SLC15A2: variants seen among roughly 807,000 people sequenced by gnomAD.
SLC15A2 encodes the protein solute carrier family 15 member 2.
A neutral mutation model predicts 95.5 loss-of-function variants in SLC15A2; 77 were observed. The ratio of observed to expected loss-of-function variants is 0.81; its 90% CI spans 0.67 to 0.97. The LOEUF is 0.97. Among genes scored for constraint, SLC15A2 ranks in the 50% least tolerant of loss-of-function variants. SLC15A2 has a pLI of 0.00. For missense variants in SLC15A2, 893 were observed against 874.4 expected (o/e 1.02, Z -0.27); for synonymous variants, 306 against 306.9 (o/e 1.00, Z 0.03).
At chr3:121,924,600 A>ATT (rs34567530) in intron 12 of SLC15A2, among the ~76,000 whole-genome samples, 10 of 151,764 alleles carry the variant, frequency 6.6e-5, no homozygotes, top group Non-Finnish European at 1.2e-4. Flanking sequence ...TAAGCATTGG[A>ATT]TTTTTTTCCA....
At chr3:121,904,625 T>C (rs1341400613) in intron 3 of SLC15A2, among the ~76,000 whole-genome samples, 3 of 152,216 alleles carry the variant, frequency 2.0e-5, no homozygotes, top group African/African-American at 4.8e-5. Context: ...GTTTTTGTTG[T>C]TGATTGTGTT....
intron 18 of SLC15A2, 71 bp downstream of exon 18, chr3:121,931,021 A>C (rs1314052355): frequency 1.0e-6 from 1 of 996,836 alleles, no homozygotes; most frequent in African/African-American, 1.6e-5. Flanking sequence ...CTTTGTATAT[A>C]GGTGGGGAAC....
chr3:121,903,936 T>G lies in SLC15A2; in HGVS notation c.335+6407T>G, dbSNP rs1709575252. Among the ~76,000 whole-genome samples, 4 of 152,212 alleles carry G rather than the reference T, an allele frequency of 2.6e-5. No individual in the cohort carries two copies. The South Asian group carries it at 8.3e-4, about 32-fold the overall frequency. On this transcript the variant is annotated intron_variant, in intron 3 of 21. Coordinates refer to ENST00000489711, the MANE Select transcript of SLC15A2 (RefSeq NM_021082.4). Reference sequence around the variant, plus strand: ...ATAGCATTGAATCTATAAATTACCTTGGGCAGTATGGCCATTTTCACGATA... The same window carrying G: ...ATAGCATTGAATCTATAAATTACCTGGGGCAGTATGGCCATTTTCACGATA...
rs1710223972 is a variant in SLC15A2 at position 121,931,056 on chromosome 3, A to C, written c.1664+106A>C. ...CTTAGGTGCATGTGGTCTAATTTTG[A>C]GTATAGACGCACTACTGATCTTTTC... On this transcript the variant is annotated intron_variant, in intron 18 of 21. Coordinates refer to ENST00000489711, the MANE Select transcript of SLC15A2 (RefSeq NM_021082.4). The C allele has an allele frequency of 4.3e-6, 3 of 689,792 alleles. No individual in the cohort carries two copies. The African/African-American group carries it at 5.3e-5, about 12-fold the overall frequency. The allele number at this position is 689,792 out of a possible 1,614,324, so 42.7% of individuals were successfully genotyped here.
chr3:121,900,133 G>C (rs1214101828), intron 3 of SLC15A2, among the ~76,000 whole-genome samples: 1 of 152,008 alleles, frequency 6.6e-6, no homozygotes, highest in African/African-American at 2.4e-5. Flanking sequence ...AAATTCTGTG[G>C]TGTGGATATT....
chr3:121,914,527 C>G (rs1709841109), intron 5 of SLC15A2, among the ~76,000 whole-genome samples: 1 of 152,208 alleles, frequency 6.6e-6, no homozygotes, highest in Non-Finnish European at 1.5e-5. Flanking sequence ...TAACAGTTGA[C>G]TCCACTGTCC....
chr3:121,931,127 T>TA (rs1256737441), intron 18 of SLC15A2, among the ~76,000 whole-genome samples, 177 bp downstream of exon 18: 4 of 152,220 alleles, frequency 2.6e-5, no homozygotes, highest in Admixed American at 6.5e-5. Flanking sequence ...TCTGCACAGA[T>TA]ATGTTGAGAT....
intron 19 of SLC15A2, among the ~76,000 whole-genome samples, chr3:121,935,247 C>A (rs971545420): frequency 6.6e-6 from 1 of 151,954 alleles, no homozygotes; most frequent in South Asian, 2.1e-4. Context: ...TGTCTCTGCC[C>A]GGCTTTGGTA....
intron 4 of SLC15A2, among the ~76,000 whole-genome samples, chr3:121,912,729 G>A (rs1709795394): frequency 6.6e-6 from 1 of 152,120 alleles, no homozygotes; most frequent in Non-Finnish European, 1.5e-5. Context: ...TAGCTTTGGA[G>A]TTCCTTCAGT....
intron 18 of SLC15A2, 85 bp downstream of exon 18, chr3:121,931,035 G>A (rs1710223475): frequency 1.2e-6 from 1 of 809,834 alleles, no homozygotes; most frequent in African/African-American, 1.7e-5. Context: ...GGGGAACTTA[G>A]GTGCATGTGG....
In SLC15A2 at chr3:121,933,234, G is replaced by A. The variant is rs1710268401; in HGVS notation, c.1761+1499G>A. Among the ~76,000 whole-genome samples, 4 of 151,260 alleles carry A rather than the reference G, an allele frequency of 2.6e-5. No homozygotes were observed. The South Asian group carries it at 8.4e-4, about 32-fold the overall frequency. On this transcript the variant is annotated intron_variant, in intron 19 of 21. Coordinates refer to ENST00000489711, the MANE Select transcript of SLC15A2 (RefSeq NM_021082.4). ...CCGCAATAAACATATGTGTGCATGT[G>A]TCTTTATAGCAGCATGATTTACAGT... is the stretch of plus-strand genomic sequence containing the variant.
intron 15 of SLC15A2, 49 bp downstream of exon 15, chr3:121,928,604 C>T (rs774268025): frequency 1.3e-6 from 2 of 1,566,716 alleles, no homozygotes; most frequent in South Asian, 2.4e-5. Flanking sequence ...CTATATTGAT[C>T]TTGATTTTTC....
intron 5 of SLC15A2, 112 bp from the exon 6 acceptor site, chr3:121,915,115 G>A: frequency 9.0e-7 from 1 of 1,105,012 alleles, no homozygotes; most frequent in Non-Finnish European, 1.3e-6. Context: ...GTATTGTGGA[G>A]GCAATATCTG....
chr3:121,898,425 G>T (rs983873188), intron 3 of SLC15A2, among the ~76,000 whole-genome samples: 1 of 152,050 alleles, frequency 6.6e-6, no homozygotes, highest in African/African-American at 2.4e-5. Flanking sequence ...GATATAACAT[G>T]GTATAATGTT....
At chr3:121,900,185 A>G (rs921953928) in intron 3 of SLC15A2, among the ~76,000 whole-genome samples, 1 of 152,152 alleles carries the variant, frequency 6.6e-6, no homozygotes, top group African/African-American at 2.4e-5. Flanking sequence ...TGAATTACAT[A>G]TTGGCATTCA....
intron 19 of SLC15A2, among the ~76,000 whole-genome samples, chr3:121,934,202 C>T (rs1710290950): frequency 1.3e-5 from 2 of 152,164 alleles, no homozygotes; most frequent in Admixed American, 1.3e-4. Flanking sequence ...AGTGTGATGC[C>T]TCCAGCTTTG....
At chr3:121,933,300 T>G (rs1034784953) in intron 19 of SLC15A2, among the ~76,000 whole-genome samples, 4 of 151,632 alleles carry the variant, frequency 2.6e-5, no homozygotes, top group African/African-American at 9.8e-5. Flanking sequence ...CTGGGTCAAA[T>G]AGTATTTCTA....
Position 121,943,600 on chromosome 3 carries a change from G to A in SLC15A2, c.*2593G>A, listed in dbSNP as rs1336998184. On this transcript the variant is annotated 3_prime_UTR_variant, in exon 22 of 22. Coordinates refer to ENST00000489711, the MANE Select transcript of SLC15A2 (RefSeq NM_021082.4). ...TGCACTTCTGTTAATGCAGTGTAAG[G>A]TAACATGAGTTGTTTTTGGAAACTA... is the stretch of plus-strand genomic sequence containing the variant. 1 of 152,170 alleles carries A rather than the reference G, an allele frequency of 6.6e-6. No homozygotes were observed. The highest frequency in any genetic ancestry group is 1.5e-5 in the Non-Finnish European group (1 of 68,030). The allele number at this position is 152,170 out of a possible 1,614,324, so 9.4% of individuals were successfully genotyped here.
chr3:121,928,946 G>A, intron 15 of SLC15A2, 36 bp from the exon 16 acceptor site: 1 of 1,603,688 alleles, frequency 6.2e-7, no homozygotes, highest in Non-Finnish European at 8.5e-7. Flanking sequence ...AGTAGAAGGT[G>A]TACGTGACCT....
Sources: gnomAD v4.1 joint callset for allele counts (sites outside exome capture counted in the v4.1 genomes callset) on GRCh38, gnomAD v4.1.1 for gene constraint, MANE v1.5 for transcripts, NCBI Gene and HGNC (gene_info 2026-07-23, HGNC 2026-07-21) for gene names.